KCNQ5: variants seen among roughly 807,000 people sequenced by gnomAD.
The protein encoded by KCNQ5 is potassium voltage-gated channel subfamily KQT member 5.
Under a neutral mutation model 98.2 loss-of-function variants are expected in KCNQ5, and 30 were observed. The ratio of observed to expected loss-of-function variants is 0.31; its 90% CI spans 0.23 to 0.41. KCNQ5 has a LOEUF of 0.41. Among genes scored for constraint, KCNQ5 ranks in the 10% least tolerant of loss-of-function variants. KCNQ5 has a pLI of 1.00. For missense variants in KCNQ5, 835 were observed against 1,182.5 expected (o/e 0.71, Z 4.31); for synonymous variants, 458 against 449.4 (o/e 1.02, Z -0.24).
intron 1 of KCNQ5, among the ~76,000 whole-genome samples, chr6:72,919,301 G>A (rs1185415085): frequency 6.6e-6 from 1 of 152,186 alleles, no homozygotes; most frequent in Non-Finnish European, 1.5e-5. Flanking sequence ...AAGAACTCAT[G>A]GGAGAGACAG....
intron 1 of KCNQ5, among the ~76,000 whole-genome samples, chr6:72,684,934 A>G (rs1424213371): frequency 2.0e-5 from 3 of 152,024 alleles, no homozygotes; most frequent in Non-Finnish European, 2.9e-5. Context: ...TCTCTCCTCT[A>G]TATAATTCTT....
intron 1 of KCNQ5, among the ~76,000 whole-genome samples, chr6:72,966,035 G>A (rs1183750670): frequency 1.3e-5 from 2 of 152,124 alleles, no homozygotes; most frequent in South Asian, 2.1e-4. Context: ...GCCTCCAGTC[G>A]AGTTAGAGCA....
At chr6:73,121,144 G>C (rs538260504) in intron 8 of KCNQ5, among the ~76,000 whole-genome samples, 1 of 152,084 alleles carries the variant, frequency 6.6e-6, no homozygotes, top group African/African-American at 2.4e-5. Context: ...ATTAAAATTT[G>C]GAATTTGCAT....
At chr6:72,647,857 A>G (rs9342962) in intron 1 of KCNQ5, among the ~76,000 whole-genome samples, 34,993 of 152,118 alleles carry the variant, frequency 0.23, 5,258 homozygotes, top group East Asian at 0.5. Context: ...ATGTAGTAGA[A>G]TGTAATGTTG....
chr6:73,152,006 C>T (rs939727752), intron 10 of KCNQ5, among the ~76,000 whole-genome samples: 1 of 152,166 alleles, frequency 6.6e-6, no homozygotes, highest in African/African-American at 2.4e-5. Flanking sequence ...ATTTTCCTTC[C>T]CTGTCACCCT....
At chr6:72,857,366 AT>A (rs1356663551) in intron 1 of KCNQ5, among the ~76,000 whole-genome samples, 1 of 152,056 alleles carries the variant, frequency 6.6e-6, no homozygotes, top group African/African-American at 2.4e-5. Flanking sequence ...ATCAATCATA[AT>A]TTTTTCCATT....
intron 1 of KCNQ5, among the ~76,000 whole-genome samples, chr6:72,973,730 T>C (rs1017232397): frequency 1.5e-4 from 23 of 152,278 alleles, no homozygotes; most frequent in African/African-American, 4.6e-4. Context: ...TTTTATCTAA[T>C]ACAAATGACA....
intron 3 of KCNQ5, among the ~76,000 whole-genome samples, chr6:73,073,673 A>G (rs1035444618): frequency 2.0e-5 from 3 of 152,220 alleles, no homozygotes; most frequent in African/African-American, 7.2e-5. Flanking sequence ...TGTCTAATAT[A>G]ATTCTTGACA....
chr6:73,091,605 A>C (rs1390330307), intron 5 of KCNQ5, among the ~76,000 whole-genome samples: 1 of 152,058 alleles, frequency 6.6e-6, no homozygotes, highest in African/African-American at 2.4e-5. Context: ...TGGATTCTCT[A>C]TTCTGTTCCA....
intron 1 of KCNQ5, among the ~76,000 whole-genome samples, chr6:72,836,576 C>A (rs1252439460): frequency 6.6e-6 from 1 of 152,020 alleles, no homozygotes; most frequent in African/African-American, 2.4e-5. Flanking sequence ...GTAGCTGGGA[C>A]TACACATGTG....
At chr6:73,120,352 G>A (rs931145330) in intron 7 of KCNQ5, 131 bp from the exon 8 acceptor site, 2 of 500,570 alleles carry the variant, frequency 4.0e-6, no homozygotes, top group South Asian at 1.2e-4. Context: ...CCTCCTTTGG[G>A]TATTTATCAG....
intron 1 of KCNQ5, among the ~76,000 whole-genome samples, chr6:72,674,135 CT>C (rs1767282312): frequency 6.6e-6 from 1 of 152,046 alleles, no homozygotes; most frequent in African/African-American, 2.4e-5. Context: ...ACTGTGGATC[CT>C]TTTTGGAAAC....
At chr6:72,811,423 C>T (rs888442920) in intron 1 of KCNQ5, among the ~76,000 whole-genome samples, 2 of 152,028 alleles carry the variant, frequency 1.3e-5, no homozygotes, top group African/African-American at 4.8e-5. Context: ...CTATACATCC[C>T]CTCTTAGGAA....
At chr6:72,979,990 G>C (rs1199096768) in intron 1 of KCNQ5, among the ~76,000 whole-genome samples, 1 of 152,172 alleles carries the variant, frequency 6.6e-6, no homozygotes, top group Non-Finnish European at 1.5e-5. Context: ...GGTTGTAGAT[G>C]TGTGGTGTTA....
chr6:72,966,870 G>A (rs1462285226), intron 1 of KCNQ5, among the ~76,000 whole-genome samples: 1 of 152,170 alleles, frequency 6.6e-6, no homozygotes, highest in Non-Finnish European at 1.5e-5. Context: ...ACCAACAGCT[G>A]ATTTCAATAA....
intron 1 of KCNQ5, among the ~76,000 whole-genome samples, chr6:72,760,017 A>G (rs1772179712): frequency 6.6e-6 from 1 of 152,116 alleles, no homozygotes; most frequent in Non-Finnish European, 1.5e-5. Context: ...GGAGAAGTGC[A>G]GCCAATCCTG....
rs372845175 is a variant in KCNQ5 at position 72,930,691 on chromosome 6, G to A, written c.399-73217G>A. On this transcript the variant is annotated intron_variant, in intron 1 of 13. Transcript: ENST00000370398. The stretch of plus-strand genomic sequence containing the variant: ...TGCACTACTGCGTGATAATGTGCAT[G>A]CATATGTTGCTTACATTAATTGCTT... 2.0e-5 allele frequency among the ~76,000 whole-genome samples: 3 copies of A among 151,802 alleles called. No individual in the cohort carries two copies. The South Asian group carries it at 6.2e-4, about 32-fold the overall frequency.
At chr6:72,664,688 CA>C (rs1766706652) in intron 1 of KCNQ5, among the ~76,000 whole-genome samples, 1 of 131,886 alleles carries the variant, frequency 7.6e-6, no homozygotes. Flanking sequence ...AACAAACAAA[CA>C]AACAAAAAAC....
intron 1 of KCNQ5, among the ~76,000 whole-genome samples, chr6:72,798,149 C>A (rs1231722933): frequency 6.6e-6 from 1 of 152,164 alleles, no homozygotes. Flanking sequence ...GTAGCTAGGT[C>A]TTCAGAGATT....
Sources: allele counts gnomAD v4.1 joint callset (sites outside exome capture counted in the v4.1 genomes callset), GRCh38; gene constraint gnomAD v4.1.1; transcripts MANE v1.5; gene names NCBI Gene and HGNC (gene_info 2026-07-23, HGNC 2026-07-21).